AGMO: variants seen among roughly 807,000 people sequenced by gnomAD.
The protein encoded by AGMO is glyceryl-ether monooxygenase.
AGMO carries 75 observed loss-of-function variants against 60.2 expected under a neutral mutation model. That is an observed-to-expected ratio of 1.25 (90% confidence interval 1.03 to 1.51). AGMO has a LOEUF of 1.51. Ranked by LOEUF, AGMO falls within the 40% of genes most tolerant of loss-of-function variation. The pLI, the probability that AGMO is intolerant of heterozygous loss-of-function variation, is 0.00. For synonymous variants in AGMO, 261 were observed against 177.1 expected (o/e 1.47, Z -3.76); for missense variants, 763 against 525.5 (o/e 1.45, Z -4.42).
intron 12 of AGMO, among the ~76,000 whole-genome samples, chr7:15,307,027 C>T (rs73284568): frequency 0.054 from 8,265 of 151,900 alleles, 773 homozygotes; most frequent in African/African-American, 0.19. Context: ...TATTCAAAAA[C>T]GAAATAATTA....
intron 12 of AGMO, among the ~76,000 whole-genome samples, chr7:15,345,594 T>C (rs925852756): frequency 6.6e-6 from 1 of 152,204 alleles, no homozygotes; most frequent in Non-Finnish European, 1.5e-5. Flanking sequence ...ACTGGGAAAA[T>C]GTCTAATTTG....
In AGMO at chr7:15,211,063, A is replaced by G. The variant is rs1445394005; in HGVS notation, c.1264-9704T>C. 3.5e-5 allele frequency among the ~76,000 whole-genome samples: 5 copies of G among 143,796 alleles called. No homozygotes were observed. The East Asian group carries it at 5.8e-4, about 17-fold the overall frequency. The allele number at this position is 143,796 out of a possible 152,430, so 94.3% of individuals were successfully genotyped here. A position where few individuals can be genotyped will look rare whatever the true frequency, so the allele number is the denominator to read the frequency against. Reference sequence around the variant, plus strand: ...CATAAAGGGACTGGTAAAACAAAAGAAAAAAAAACTCTGAAAAAGGAGTAA... The same window carrying G: ...CATAAAGGGACTGGTAAAACAAAAGGAAAAAAAACTCTGAAAAAGGAGTAA... On this transcript the variant is annotated intron_variant, in intron 12 of 12. Coordinates refer to ENST00000342526, the MANE Select transcript of AGMO (RefSeq NM_001004320.2).
intron 12 of AGMO, among the ~76,000 whole-genome samples, chr7:15,279,858 G>A (rs1298798096): frequency 1.3e-5 from 2 of 152,162 alleles, no homozygotes; most frequent in Admixed American, 6.5e-5. Context: ...AGAGAGCACT[G>A]GGGAATATCA....
At chr7:15,158,948 C>T in the AGMO span, among the ~76,000 whole-genome samples, 4 of 151,998 alleles carry the variant, frequency 2.6e-5, no homozygotes, top group African/African-American at 9.7e-5. Context: ...AATTGGATTC[C>T]ATGTTGCTAT....
intron 12 of AGMO, among the ~76,000 whole-genome samples, chr7:15,322,621 AAT>A (rs371214008): frequency 7.6e-4 from 23 of 30,238 alleles, no homozygotes; most frequent in South Asian, 1.1e-3. Flanking sequence ...TAAATATATA[AAT>A]ATATATAAAT....
the AGMO span, among the ~76,000 whole-genome samples, chr7:15,193,936 T>G: frequency 6.6e-6 from 1 of 152,260 alleles, no homozygotes; most frequent in South Asian, 2.1e-4. Flanking sequence ...ATACATAAAA[T>G]ATTTTTAAAT....
chr7:15,544,775 G>C lies in AGMO; in HGVS notation c.406C>G (p.His136Asp). The stretch of plus-strand genomic sequence containing the variant: ...AAAGTCCTCATTTGCAGCTTACCAT[G>C]AGCCATACGATGGAACCAGTAGTAG... ...FGYYWFHRMAHEVNIMWAGHQ... is the reference protein window; with the variant it reads ...FGYYWFHRMADEVNIMWAGHQ... Residue 136 changes from histidine (H) to aspartate (D), a missense_variant, in exon 3 of 13, where the codon CAT (histidine) becomes GAT (aspartate). Physicochemically the swap from His to Asp is moderately conservative, Grantham distance 81. Coordinates refer to ENST00000342526, the MANE Select transcript of AGMO (RefSeq NM_001004320.2). 2 of 1,594,310 alleles carry C rather than the reference G, an allele frequency of 1.3e-6. No individual in the cohort carries two copies. The highest frequency in any genetic ancestry group is 1.7e-6 in the Non-Finnish European group (2 of 1,170,982).
the AGMO span, among the ~76,000 whole-genome samples, chr7:15,138,351 G>A: frequency 1.3e-5 from 2 of 152,160 alleles, no homozygotes; most frequent in Non-Finnish European, 2.9e-5. Flanking sequence ...TCTCCTGGAT[G>A]ATTTAAGTAG....
At chr7:15,554,816 G>C (rs561574361) in intron 2 of AGMO, among the ~76,000 whole-genome samples, 79 of 152,060 alleles carry the variant, frequency 5.2e-4, no homozygotes, top group African/African-American at 1.9e-3. Context: ...AAACTAATTA[G>C]TTTTCAAAGT....
intron 3 of AGMO, among the ~76,000 whole-genome samples, chr7:15,474,468 T>A (rs115733868): frequency 7.2e-4 from 109 of 152,224 alleles, no homozygotes; most frequent in African/African-American, 2.5e-3. Flanking sequence ...ATTTAATAAC[T>A]GGTGTCGGAA....
At chr7:15,321,286 C>T (rs1232927498) in intron 12 of AGMO, among the ~76,000 whole-genome samples, 1 of 152,132 alleles carries the variant, frequency 6.6e-6, no homozygotes, top group Admixed American at 6.6e-5. Context: ...GGGGCTGCCA[C>T]AAACCCCAAA....
chr7:15,490,767 C>T (rs1020717423), intron 3 of AGMO, among the ~76,000 whole-genome samples: 6 of 152,024 alleles, frequency 3.9e-5, no homozygotes, highest in Non-Finnish European at 7.4e-5. Context: ...AATATCCCAC[C>T]ATTTCATATA....
At chr7:15,560,905 C>G (rs1785285458) in intron 1 of AGMO, among the ~76,000 whole-genome samples, 1 of 152,012 alleles carries the variant, frequency 6.6e-6, no homozygotes, top group South Asian at 2.1e-4. Context: ...GCAGTATAAA[C>G]AATAATAATT....
At chr7:15,298,587 A>T (rs1784469817) in intron 12 of AGMO, among the ~76,000 whole-genome samples, 1 of 152,072 alleles carries the variant, frequency 6.6e-6, no homozygotes, top group Non-Finnish European at 1.5e-5. Context: ...TTTTTTGAAG[A>T]GACTGGGTTT....
At chr7:15,207,730 C>A (rs1336082446) in intron 12 of AGMO, among the ~76,000 whole-genome samples, 1 of 152,066 alleles carries the variant, frequency 6.6e-6, no homozygotes, top group Non-Finnish European at 1.5e-5. Flanking sequence ...GTCAGGAGAT[C>A]GAGACCATCC....
intron 12 of AGMO, among the ~76,000 whole-genome samples, chr7:15,259,420 C>T (rs772647236): frequency 1.3e-5 from 2 of 151,932 alleles, no homozygotes; most frequent in Admixed American, 6.6e-5. Flanking sequence ...GTTAAACATA[C>T]AAACCTAAGA....
chr7:15,418,372 C>A (rs1460761850), intron 5 of AGMO, among the ~76,000 whole-genome samples, 186 bp downstream of exon 5: 1 of 151,926 alleles, frequency 6.6e-6, no homozygotes, highest in Non-Finnish European at 1.5e-5. Context: ...ACCAACTGGC[C>A]TCATTGCTTC....
At chr7:15,324,502 T>C (rs1246983380) in intron 12 of AGMO, among the ~76,000 whole-genome samples, 9 of 152,100 alleles carry the variant, frequency 5.9e-5, no homozygotes, top group Admixed American at 5.2e-4. Context: ...TCTTGATTTC[T>C]TTTTTTCTCT....
At chr7:15,337,819 C>A (rs1418024310) in intron 12 of AGMO, among the ~76,000 whole-genome samples, 1 of 152,196 alleles carries the variant, frequency 6.6e-6, no homozygotes, top group East Asian at 1.9e-4. Context: ...ACGCTTTTAA[C>A]CAGGGGCAGA....
Sources: gnomAD v4.1 joint callset for allele counts (sites outside exome capture counted in the v4.1 genomes callset) on GRCh38, gnomAD v4.1.1 for gene constraint, MANE v1.5 for transcripts, NCBI Gene and HGNC (gene_info 2026-07-23, HGNC 2026-07-21) for gene names.